THOC5: variants seen among roughly 807,000 people sequenced by gnomAD.
THOC5 encodes the protein Fms-interacting protein.
Under a neutral mutation model 92.9 loss-of-function variants are expected in THOC5, and 43 were observed. The observed-to-expected ratio is 0.46, with a 90% CI of 0.36 to 0.60. The LOEUF (loss-of-function observed/expected upper bound fraction) is 0.60, where lower values mean the gene tolerates loss of function less well. Ranked by LOEUF, THOC5 falls within the 20% of genes least tolerant of loss-of-function variation. The pLI, the probability that THOC5 is intolerant of heterozygous loss-of-function variation, is 0.00. For synonymous variants in THOC5, 296 were observed against 320.1 expected (o/e 0.92, Z 0.80); for missense variants, 659 against 849.4 (o/e 0.78, Z 2.79).
intron 12 of THOC5, among the ~76,000 whole-genome samples, chr22:29,523,168 G>A (rs993560515): frequency 6.6e-6 from 1 of 151,878 alleles, no homozygotes; most frequent in African/African-American, 2.4e-5. Flanking sequence ...CTTGAACCAG[G>A]GAGGTGGAGG....
Position 29,542,869 on chromosome 22 carries a change from A to G in THOC5, c.442T>C (p.Leu148=). 6.2e-7 allele frequency: 1 copy of G among 1,612,710 alleles called. No homozygotes were observed. The change falls in exon 5 of 20, where the codon TTG becomes CTG. Residue 148 remains leucine, a synonymous_variant. Coordinates refer to ENST00000490103, the MANE Select transcript of THOC5 (RefSeq NM_003678.5). ...MHLQKEITKC[L]EFKSKHEEID... ...TCCTCCCAAACTCACTTAAACTCCAAACATTTGGTGATCTCCTTCTGTAGG... is the reference window on the plus strand; with the variant it reads ...TCCTCCCAAACTCACTTAAACTCCAGACATTTGGTGATCTCCTTCTGTAGG...
intron 18 of THOC5, among the ~76,000 whole-genome samples, chr22:29,511,597 C>G (rs937274188): frequency 6.6e-6 from 1 of 152,264 alleles, no homozygotes; most frequent in Non-Finnish European, 1.5e-5. Context: ...TGGTTAAAAA[C>G]GTGTTCCATG....
Position 29,549,231 on chromosome 22 carries a change from C to T in THOC5, c.-11-73G>A, listed in dbSNP as rs1465327390. On this transcript the variant is annotated intron_variant, in intron 1 of 19. Transcript: ENST00000490103. ...GAAGTCAAACTAGCAGTTCTGGCCA[C>T]TTACAGACTTGGTAACTCAAGGAAA... is the stretch of plus-strand genomic sequence containing the variant. The T allele has an allele frequency of 2.2e-6, 3 of 1,350,434 alleles. No individual in the cohort carries two copies. In the Admixed American group the frequency reaches 5.3e-5, roughly 24 times the overall value. The allele number at this position is 1,350,434 out of a possible 1,614,324, so 83.7% of individuals were successfully genotyped here. A position where few individuals can be genotyped will look rare whatever the true frequency, so the allele number is the denominator to read the frequency against.
chr22:29,528,944 G>C, intron 9 of THOC5: 1 of 569,010 alleles, frequency 1.8e-6, no homozygotes, highest in Non-Finnish European at 3.1e-6. Flanking sequence ...TACCTTCCTC[G>C]GGGTCAGTCA....
At chr22:29,548,829 T>A (rs549841821) in intron 2 of THOC5, among the ~76,000 whole-genome samples, 1 of 152,260 alleles carries the variant, frequency 6.6e-6, no homozygotes, top group East Asian at 1.9e-4. Flanking sequence ...GTAGGTATAA[T>A]CATGTCTAAT....
At chr22:29,535,280 A>G (rs901605015) in intron 7 of THOC5, 13 of 150,780 alleles carry the variant, frequency 8.6e-5, no homozygotes, top group Admixed American at 7.3e-4. Flanking sequence ...AAAAAAAAAA[A>G]GCATTTTAAA....
intron 2 of THOC5, chr22:29,545,004 G>A (rs112869019): frequency 0.056 from 21,183 of 378,662 alleles, 679 homozygotes; most frequent in African/African-American, 0.077. Flanking sequence ...CCATTTTCAC[G>A]CTGCCAATAA....
chr22:29,515,004 C>T (rs1218583813), intron 17 of THOC5, among the ~76,000 whole-genome samples: 1 of 149,932 alleles, frequency 6.7e-6, no homozygotes, highest in Non-Finnish European at 1.5e-5. Flanking sequence ...CATGCCCAGC[C>T]CATAAAGTAC....
intron 13 of THOC5, among the ~76,000 whole-genome samples, chr22:29,520,602 T>C (rs2063421503): frequency 6.6e-6 from 1 of 152,086 alleles, no homozygotes; most frequent in Non-Finnish European, 1.5e-5. Flanking sequence ...CTCATGCAAT[T>C]CTCCCACCTC....
chr22:29,528,307 C>T (rs771989211), intron 10 of THOC5, 119 bp downstream of exon 10: 29 of 1,613,966 alleles, frequency 1.8e-5, no homozygotes, highest in Non-Finnish European at 2.4e-5. Flanking sequence ...GTCAGACTCC[C>T]CTCCCAGCAG....
Position 29,519,145 on chromosome 22 carries a change from C to A in THOC5, c.1375-25G>T, listed in dbSNP as rs1030194067. 2.6e-6 allele frequency: 4 copies of A among 1,513,972 alleles called. No individual in the cohort carries two copies. The African/African-American group carries it at 4.1e-5, about 16-fold the overall frequency. 93.8% of individuals were successfully genotyped at this position (1,513,972 alleles called of 1,614,324 possible). A position where few individuals can be genotyped will look rare whatever the true frequency, so the allele number is the denominator to read the frequency against. On this transcript the variant is annotated intron_variant, in intron 14 of 19. Coordinates refer to ENST00000490103, the MANE Select transcript of THOC5 (RefSeq NM_003678.5). ...GCTGTGAGTGACAATGAGACACATA[C>A]ACGTGTGCTCCCCCATCCCTTCCTC...
chr22:29,517,844 G>A (rs1259733923), intron 15 of THOC5, among the ~76,000 whole-genome samples: 2 of 152,178 alleles, frequency 1.3e-5, no homozygotes, highest in Non-Finnish European at 2.9e-5. Flanking sequence ...AGTAAGTACT[G>A]TCCAGAATGA....
Position 29,520,000 on chromosome 22 carries a change from G to GA in THOC5, c.1374+7_1374+8insT. 1 of 1,612,120 alleles carries GA rather than the reference G, an allele frequency of 6.2e-7. No individual in the cohort carries two copies. On this transcript the variant is annotated splice_region_variant and intron_variant, in intron 14 of 19. Transcript: ENST00000490103. ...CCTCAGCCAACTAGATGAGATCAGT[G>GA]TACAGACCTGGGGCTGCTCTTTGGG...
chr22:29,508,216 G>T lies in THOC5; in HGVS notation c.*241C>A. 2 of 551,238 alleles carry T rather than the reference G, an allele frequency of 3.6e-6. No individual in the cohort carries two copies. Among genetic ancestry groups the T allele is most frequent in the South Asian group, 2.3e-5 (1 of 42,754 alleles). 34.1% of individuals were successfully genotyped at this position (551,238 alleles called of 1,614,324 possible). ...ATCTTTTTCCACTCTGCTTTTATTG[G>T]CTGCTGAGAAAAAGTCTCTCTACAA... On this transcript the variant is annotated 3_prime_UTR_variant, in exon 20 of 20. Transcript: ENST00000490103.
At chr22:29,514,185 G>A (rs1209674360) in intron 17 of THOC5, among the ~76,000 whole-genome samples, 5 of 152,074 alleles carry the variant, frequency 3.3e-5, no homozygotes, top group Admixed American at 6.6e-5. Context: ...TCCTGACCTC[G>A]TGATCCACCC....
At chr22:29,544,752 A>T in intron 2 of THOC5, 149 bp from the exon 3 acceptor site, 1 of 784,530 alleles carries the variant, frequency 1.3e-6, no homozygotes. Context: ...CTTAAATTAA[A>T]TGCTTTTCTT....
At chr22:29,544,860 T>C (rs907977617) in intron 2 of THOC5, among the ~76,000 whole-genome samples, 7 of 152,014 alleles carry the variant, frequency 4.6e-5, no homozygotes, top group African/African-American at 1.2e-4. Context: ...AAAAAGAAAA[T>C]GGAAAAATTG....
At chr22:29,550,657 C>G (rs932468344) in intron 1 of THOC5, 1 of 152,116 alleles carries the variant, frequency 6.6e-6, no homozygotes, top group Non-Finnish European at 1.5e-5. Flanking sequence ...GGCTATGAGT[C>G]CCCGGACGAG....
At chr22:29,525,775 C>T in intron 12 of THOC5, 63 bp downstream of exon 12, 8 of 1,362,482 alleles carry the variant, frequency 5.9e-6, no homozygotes, top group Non-Finnish European at 8.4e-6. Flanking sequence ...AGAGCAGCCC[C>T]ACAATGAGGC....
Sources: allele counts gnomAD v4.1 joint callset (sites outside exome capture counted in the v4.1 genomes callset), GRCh38; gene constraint gnomAD v4.1.1; transcripts MANE v1.5; gene names NCBI Gene and HGNC (gene_info 2026-07-23, HGNC 2026-07-21).